Variants in ZBBX observed in about 807,000 individuals in gnomAD.
ZBBX encodes the protein zinc finger B-box domain containing.
Under a neutral mutation model 108.5 loss-of-function variants are expected in ZBBX, and 101 were observed. The ratio of observed to expected loss-of-function variants is 0.93; its 90% CI spans 0.79 to 1.10. The LOEUF (loss-of-function observed/expected upper bound fraction) is 1.10. Ranked by LOEUF, ZBBX falls within the 50% of genes least tolerant of loss-of-function variation. ZBBX has a pLI of 0.00. For synonymous variants in ZBBX, 356 were observed against 323.4 expected (o/e 1.10, Z -1.08); for missense variants, 1,009 against 941.4 (o/e 1.07, Z -0.94).
At chr3:167,289,019 G>T in intron 18 of ZBBX, 36 bp from the exon 19 acceptor site, 5 of 1,424,316 alleles carry the variant, frequency 3.5e-6, no homozygotes, top group Non-Finnish European at 4.7e-6. Flanking sequence ...CATAAAGTTT[G>T]AAAAGAAGAA....
chr3:167,303,569 A>G (rs1733090239), intron 17 of ZBBX, among the ~76,000 whole-genome samples: 1 of 152,196 alleles, frequency 6.6e-6, no homozygotes. Flanking sequence ...TTCATTCAAG[A>G]GGCGAAATAA....
intron 20 of ZBBX, among the ~76,000 whole-genome samples, chr3:167,250,709 T>C (rs1269053874): frequency 1.3e-5 from 2 of 151,878 alleles, no homozygotes; most frequent in Non-Finnish European, 2.9e-5. Flanking sequence ...TCACAGTCCA[T>C]ATTCTAAAGG....
the ZBBX span, among the ~76,000 whole-genome samples, chr3:167,196,632 A>AT: frequency 4.9e-4 from 74 of 152,190 alleles, no homozygotes; most frequent in Non-Finnish European, 8.8e-4. Flanking sequence ...AACATTGTGG[A>AT]TGGTAAAATG....
intron 1 of ZBBX, among the ~76,000 whole-genome samples, chr3:167,402,794 A>T (rs866888698): frequency 8.1e-4 from 124 of 152,250 alleles, no homozygotes; most frequent in Middle Eastern, 6.8e-3. Context: ...GTAAAAAAAA[A>T]AAATAGATGA....
intron 11 of ZBBX, among the ~76,000 whole-genome samples, 183 bp downstream of exon 11, chr3:167,327,759 C>CA (rs2108359508): frequency 6.6e-6 from 1 of 151,818 alleles, no homozygotes; most frequent in African/African-American, 2.4e-5. Flanking sequence ...ACTAAAAATA[C>CA]AAAAATTAGC....
In ZBBX at chr3:167,345,962, A is replaced by T. The variant is rs530141253; in HGVS notation, c.528+4458T>A. Among the ~76,000 whole-genome samples the T allele has an allele frequency of 2.6e-5, 4 of 152,006 alleles. No individual in the cohort carries two copies. In the South Asian group the frequency reaches 8.3e-4, roughly 32 times the overall value. On this transcript the variant is annotated intron_variant, in intron 9 of 21. Transcript: ENST00000675490. ...TAAGAAAATGTATTTACCATAATCT[A>T]TTAATAATTTACTTAAACTAACCCC...
the ZBBX span, among the ~76,000 whole-genome samples, chr3:167,196,796 A>C: frequency 6.6e-6 from 1 of 152,134 alleles, no homozygotes; most frequent in African/African-American, 2.4e-5. Context: ...AAACTTATTT[A>C]AAGCATAAAG....
intron 1 of ZBBX, chr3:167,392,741 G>A (rs575163592): frequency 6.6e-6 from 1 of 151,792 alleles, no homozygotes; most frequent in Non-Finnish European, 1.5e-5. Context: ...CAAAAAGAAA[G>A]TGTTGGTGAT....
chr3:167,315,794 A>G lies in ZBBX; in HGVS notation c.1230T>C (p.Ile410=), dbSNP rs939884214. The change falls in exon 15 of 22, where the codon ATT becomes ATC. Residue 410 remains isoleucine (I), a synonymous_variant. Transcript: ENST00000675490. Reference sequence around the variant, plus strand: ...CAGCTAATTTAACTTTGTAAGGCACAATATTTTCTGCTTCTTCAAATTCCT... The same window carrying G: ...CAGCTAATTTAACTTTGTAAGGCACGATATTTTCTGCTTCTTCAAATTCCT... ...YEEEFEEAEN[I]VPYKVKLADA... 3 of 1,607,538 alleles carry G rather than the reference A, an allele frequency of 1.9e-6. No homozygotes were observed. Among genetic ancestry groups the G allele is most frequent in the East Asian group, 2.2e-5 (1 of 44,674 alleles).
chr3:167,259,296 T>C (rs1409446868), intron 20 of ZBBX, among the ~76,000 whole-genome samples: 2 of 152,230 alleles, frequency 1.3e-5, no homozygotes, highest in African/African-American at 4.8e-5. Flanking sequence ...TCTTTTGTAT[T>C]TCAGTGGTGT....
chr3:167,361,415 G>T (rs892934842), intron 6 of ZBBX, among the ~76,000 whole-genome samples: 1 of 152,124 alleles, frequency 6.6e-6, no homozygotes, highest in African/African-American at 2.4e-5. Context: ...GTACACAAAC[G>T]AGAATGAAGG....
At position 167,321,898 on chromosome 3, in the gene ZBBX, T is replaced by C. The variant is rs77189062; in HGVS notation, c.983+219A>G. Among the ~76,000 whole-genome samples, 621 of 152,072 alleles carry C rather than the reference T, an allele frequency of 4.1e-3. 7 individuals carry two copies. The highest frequency in any genetic ancestry group is 0.013 in the African/African-American group (542 of 41,544). On this transcript the variant is annotated intron_variant, in intron 12 of 21. Transcript: ENST00000675490. The stretch of plus-strand genomic sequence containing the variant: ...CCTTTTCCTTATATACACATTTCCA[T>C]TTCTCAAGGAAAACTGTAAATTAAT...
At chr3:167,251,097 A>T (rs1722513007) in intron 20 of ZBBX, among the ~76,000 whole-genome samples, 1 of 152,156 alleles carries the variant, frequency 6.6e-6, no homozygotes, top group Non-Finnish European at 1.5e-5. Context: ...GACCAGCAGG[A>T]TGGGGTGGAG....
the ZBBX span, among the ~76,000 whole-genome samples, chr3:167,217,223 T>A: frequency 3.3e-5 from 5 of 152,156 alleles, no homozygotes; most frequent in Admixed American, 3.3e-4. Context: ...AAACTATGCA[T>A]CTGATAGAGG....
At chr3:167,320,955 G>A (rs1736342134) in intron 12 of ZBBX, among the ~76,000 whole-genome samples, 1 of 152,020 alleles carries the variant, frequency 6.6e-6, no homozygotes, top group South Asian at 2.1e-4. Context: ...AATACAATGT[G>A]TAATCCTGGA....
At chr3:167,354,920 G>A (rs1413041149) in intron 8 of ZBBX, among the ~76,000 whole-genome samples, 1 of 151,842 alleles carries the variant, frequency 6.6e-6, no homozygotes, top group Non-Finnish European at 1.5e-5. Flanking sequence ...TGTTATACAA[G>A]GATATTTGGA....
In ZBBX at chr3:167,353,639, C is replaced by T. The variant is rs188525832; in HGVS notation, c.433-3124G>A. Among the ~76,000 whole-genome samples the T allele has an allele frequency of 2.3e-3, 349 of 152,054 alleles. 1 individual carries two copies. Among genetic ancestry groups the T allele is most frequent in the African/African-American group, 8.2e-3 (339 of 41,540 alleles). On this transcript the variant is annotated intron_variant, in intron 8 of 21. Transcript: ENST00000675490. ...GATAACACAACTTCACTTGTACCAA[C>T]TAAATCTATAAAAATAAAAATAATA... is the stretch of plus-strand genomic sequence containing the variant.
chr3:167,307,555 C>T (rs1236196281), intron 16 of ZBBX, among the ~76,000 whole-genome samples: 2 of 152,114 alleles, frequency 1.3e-5, no homozygotes, highest in Non-Finnish European at 2.9e-5. Context: ...CATCATGCTA[C>T]CCAACTTCAA....
At chr3:167,398,419 G>T (rs1194966689) in intron 1 of ZBBX, among the ~76,000 whole-genome samples, 2 of 151,928 alleles carry the variant, frequency 1.3e-5, no homozygotes, top group African/African-American at 4.8e-5. Flanking sequence ...TTTTATTATG[G>T]AAAATAAAAT....
Sources: allele counts gnomAD v4.1 joint callset (sites outside exome capture counted in the v4.1 genomes callset), GRCh38; gene constraint gnomAD v4.1.1; transcripts MANE v1.5; gene names NCBI Gene and HGNC (gene_info 2026-07-23, HGNC 2026-07-21).